Variants in SPMIP8 observed in about 807,000 individuals in gnomAD.
The protein encoded by SPMIP8 is sperm microtubule inner protein 8, also known as testicular tissue protein Li 196.
At chr16:57,984,271 A>C in the SPMIP8 span, 1 of 1,606,444 alleles carries the variant, frequency 6.2e-7, no homozygotes, top group Non-Finnish European at 8.5e-7. Context: ...GGTGAAGGAG[A>C]CACCTCTTCT....
chr16:57,985,028 C>G, the SPMIP8 span, among the ~76,000 whole-genome samples: 2 of 152,182 alleles, frequency 1.3e-5, no homozygotes, highest in East Asian at 3.9e-4. Context: ...CCAGGCGGAG[C>G]CTTCGGGCCG....
the SPMIP8 span, chr16:57,976,672 T>C: frequency 2.5e-6 from 4 of 1,607,374 alleles, no homozygotes; most frequent in East Asian, 6.7e-5. Flanking sequence ...CTCTTCCCCA[T>C]ATCCGTGATC....
chr16:57,981,302 C>T, the SPMIP8 span, among the ~76,000 whole-genome samples: 1 of 149,740 alleles, frequency 6.7e-6, no homozygotes, highest in East Asian at 2.0e-4. Context: ...ATTGCTTGAA[C>T]CCAGGAGGCG....
the SPMIP8 span, chr16:57,985,141 T>TGAG: frequency 1.5e-6 from 2 of 1,346,602 alleles, no homozygotes; most frequent in Admixed American, 4.0e-5. Context: ...GGGGCTTAGA[T>TGAG]GAGGAGGCGG....
the SPMIP8 span, chr16:57,984,894 C>T: frequency 6.8e-7 from 1 of 1,466,128 alleles, no homozygotes; most frequent in Non-Finnish European, 9.1e-7. Flanking sequence ...GACGGGAACG[C>T]AGGCGGCGGG....
chr16:57,981,955 G>C, the SPMIP8 span, among the ~76,000 whole-genome samples: 3 of 152,158 alleles, frequency 2.0e-5, no homozygotes, highest in South Asian at 4.1e-4. Flanking sequence ...TAGCCAAGAG[G>C]GGGGTCCGCT....
chr16:57,986,051 GGCGAGGAGGAGGGGCCCTCCTGGGAGGGC>G, the SPMIP8 span: 1 of 1,393,342 alleles, frequency 7.2e-7, no homozygotes, highest in Non-Finnish European at 9.5e-7. Flanking sequence ...AGCGAGGCCT[GGCGAGGAGGAGGGGCCCTCCTGGGAGGGC>G]GCGAGCTGCT....
the SPMIP8 span, chr16:57,976,575 A>G: frequency 6.2e-7 from 1 of 1,614,212 alleles, no homozygotes; most frequent in African/African-American, 1.3e-5. Context: ...CAAAGAACTG[A>G]AAGTCCTTAT....
At chr16:57,976,560 GCAGT>G in the SPMIP8 span, 2 of 1,614,174 alleles carry the variant, frequency 1.2e-6, no homozygotes, top group Non-Finnish European at 1.7e-6. Flanking sequence ...TGCCCATTGA[GCAGT>G]CAAAGAACTG....
At chr16:57,987,211 G>A in the SPMIP8 span, 1 of 495,046 alleles carries the variant, frequency 2.0e-6, no homozygotes, top group Non-Finnish European at 3.4e-6. Context: ...ACAGTCAAAG[G>A]AGGGAGGTTA....
At chr16:57,984,082 T>G in the SPMIP8 span, among the ~76,000 whole-genome samples, 1 of 151,808 alleles carries the variant, frequency 6.6e-6, no homozygotes, top group South Asian at 2.1e-4. Context: ...TTTTGCATTT[T>G]TAGTAGAGAT....
At chr16:57,984,823 G>A in the SPMIP8 span, 23 of 1,584,910 alleles carry the variant, frequency 1.5e-5, no homozygotes, top group South Asian at 2.1e-4. Context: ...CAGTCTACGG[G>A]CCGCTGAAGG....
the SPMIP8 span, among the ~76,000 whole-genome samples, chr16:57,980,071 T>TA: frequency 2.6e-5 from 4 of 152,010 alleles, no homozygotes; most frequent in African/African-American, 7.2e-5. Flanking sequence ...CTTCAAAAAA[T>TA]AAAAATAAAT....
chr16:57,984,677 C>T, the SPMIP8 span: 3 of 1,595,084 alleles, frequency 1.9e-6, no homozygotes, highest in East Asian at 2.3e-5. Context: ...ACAGGTACCA[C>T]GAGGGAAAGC....
chr16:57,987,571 AC>A, the SPMIP8 span: 4 of 875,018 alleles, frequency 4.6e-6, no homozygotes, highest in Non-Finnish European at 6.4e-6. Context: ...TTAGAGACAC[AC>A]GCAATTGTCT....
the SPMIP8 span, chr16:57,984,427 CCTGGGATCTACA>C: frequency 6.4e-7 from 1 of 1,569,416 alleles, no homozygotes; most frequent in South Asian, 1.1e-5. Context: ...CACCTCTGGT[CCTGGGATCTACA>C]CCCCGCGCAC....
the SPMIP8 span, chr16:57,976,669 C>T: frequency 1.2e-6 from 2 of 1,608,248 alleles, no homozygotes; most frequent in Non-Finnish European, 1.7e-6. Context: ...GCTCTCTTCC[C>T]CATATCCGTG....
the SPMIP8 span, chr16:57,985,191 G>A: frequency 1.3e-6 from 2 of 1,514,728 alleles, no homozygotes; most frequent in Non-Finnish European, 1.8e-6. Flanking sequence ...CTCGAGAGGG[G>A]CTTTCTGTTC....
the SPMIP8 span, chr16:57,985,693 T>C: frequency 8.1e-7 from 1 of 1,233,700 alleles, no homozygotes; most frequent in Non-Finnish European, 1.1e-6. Context: ...AATTGCAATT[T>C]CAAATGAATA....
Sources: gnomAD v4.1 joint callset for allele counts (sites outside exome capture counted in the v4.1 genomes callset) on GRCh38, gnomAD v4.1.1 for gene constraint, MANE v1.5 for transcripts, NCBI Gene and HGNC (gene_info 2026-07-23, HGNC 2026-07-21) for gene names.